The following CMIP variants were observed in gnomAD, a reference collection of about 807,000 sequenced individuals.
CMIP encodes the protein C-Maf-inducing protein.
CMIP carries 13 observed loss-of-function variants against 97.3 expected under a neutral mutation model. The observed-to-expected ratio is 0.13, with a 90% confidence interval of 0.09 to 0.21. CMIP has a LOEUF of 0.21. CMIP is among the 10% of genes least tolerant of loss of function. The pLI, the probability that CMIP is intolerant of heterozygous loss-of-function variation, is 1.00. For synonymous variants in CMIP, 538 were observed against 436.3 expected, an observed-to-expected ratio of 1.23 and a Z score of -2.91; for missense variants, 847 against 1,024.9, an observed-to-expected ratio of 0.83 and a Z score of 2.37.
At chr16:81,610,743 G>T (rs963418879) in intron 2 of CMIP, among the ~76,000 whole-genome samples, 1 of 152,156 alleles carries the variant, frequency 6.6e-6, no homozygotes, top group Non-Finnish European at 1.5e-5. Context: ...AGGGAGGCTG[G>T]GGCGGGGTGC....
Position 81,672,057 on chromosome 16 carries a change from G to C in CMIP, c.1021G>C (p.Glu341Gln). ...CLAAIYSCYE[E>Q]FINSRDNSPS... ...GGCTGCCATCTACTCCTGCTATGAAGAGTTCATCAACAGGTCAGTTGCTGA... is the reference window on the plus strand; with the variant it reads ...GGCTGCCATCTACTCCTGCTATGAACAGTTCATCAACAGGTCAGTTGCTGA... The change falls in exon 9 of 21, where the codon GAG becomes CAG. Residue 341 changes from glutamate (E) to glutamine (Q), a missense_variant. Around this residue, in one of 4 missense-constraint regions of CMIP, gnomAD observed 285 missense variants for 392.2 expected, o/e 0.73. Transcript: ENST00000537098. The C allele has an allele frequency of 6.3e-7, 1 of 1,597,964 alleles. No individual in the cohort carries two copies. The highest frequency in any genetic ancestry group is 8.5e-7 in the Non-Finnish European group (1 of 1,170,790).
At position 81,614,937 on chromosome 16, in the gene CMIP, TGTG is replaced by T. The variant is rs1310752032; in HGVS notation, c.427-5935_427-5933del. Among the ~76,000 whole-genome samples, 1 of 151,516 alleles carries T rather than the reference TGTG, an allele frequency of 6.6e-6. No homozygotes were observed. The highest frequency in any genetic ancestry group is 1.9e-4 in the East Asian group (1 of 5,170). On this transcript the variant is annotated intron_variant, in intron 2 of 20. Transcript: ENST00000537098. This position sits in a 1 kb window ranked among gnomAD's most constrained non-coding sequence, Gnocchi z 5.3. ...GGTGTGCATAGTGTGTATCTCTGTG[TGTG>T]GTGTGTGCATGTGTGTGGTGTGTTG...
chr16:81,510,303 G>A (rs543935476), intron 1 of CMIP, among the ~76,000 whole-genome samples: 1 of 152,260 alleles, frequency 6.6e-6, no homozygotes, highest in African/African-American at 2.4e-5. Context: ...TCGCCCAAGT[G>A]GGACCATGAT....
intron 1 of CMIP, among the ~76,000 whole-genome samples, chr16:81,570,101 C>G (rs1046686540): frequency 6.6e-6 from 1 of 152,154 alleles, no homozygotes; most frequent in African/African-American, 2.4e-5. Context: ...GGGGGATGGC[C>G]TCACCCCTTC....
At chr16:81,602,451 A>G (rs1400735067) in intron 1 of CMIP, among the ~76,000 whole-genome samples, 1 of 152,238 alleles carries the variant, frequency 6.6e-6, no homozygotes, top group Non-Finnish European at 1.5e-5. Context: ...TTGCGTTGTA[A>G]TTTACATACA....
intron 1 of CMIP, among the ~76,000 whole-genome samples, chr16:81,471,058 C>A (rs112119949): frequency 6.6e-6 from 1 of 151,958 alleles, no homozygotes; most frequent in Non-Finnish European, 1.5e-5. Flanking sequence ...AGGCACAATG[C>A]GTGCATACAA....
intron 1 of CMIP, among the ~76,000 whole-genome samples, chr16:81,528,004 T>G (rs1405527372): frequency 2.0e-5 from 3 of 152,328 alleles, no homozygotes; most frequent in Non-Finnish European, 4.4e-5. Flanking sequence ...AAAACCAACC[T>G]GTTTTCCAAA....
At position 81,471,772 on chromosome 16, in the gene CMIP, A is replaced by G. The variant is rs1406012675; in HGVS notation, c.300+26231A>G. On this transcript the variant is annotated intron_variant, in intron 1 of 20. Transcript: ENST00000537098. ...GTGACTTGAACACAAGCACCATGATACCATGGCAGTGGAATTGAGTACAGA... is the reference window on the plus strand; with the variant it reads ...GTGACTTGAACACAAGCACCATGATGCCATGGCAGTGGAATTGAGTACAGA... 2.6e-5 allele frequency among the ~76,000 whole-genome samples: 4 copies of G among 152,336 alleles called. No individual in the cohort carries two copies. In the East Asian group the frequency reaches 7.7e-4, roughly 29 times the overall value.
chr16:81,613,471 C>T (rs932068669), intron 2 of CMIP, among the ~76,000 whole-genome samples: 1 of 152,132 alleles, frequency 6.6e-6, no homozygotes, highest in African/African-American at 2.4e-5. Flanking sequence ...TAGGTTTTAC[C>T]ACATTCTAGC....
At chr16:81,702,346 A>C (rs1322510290) in intron 16 of CMIP, among the ~76,000 whole-genome samples, 2 of 152,084 alleles carry the variant, frequency 1.3e-5, no homozygotes, top group African/African-American at 2.4e-5. Context: ...GCCAGTACCC[A>C]CCCAGTGATA....
At chr16:81,629,535 G>C (rs574578060) in intron 3 of CMIP, among the ~76,000 whole-genome samples, 13 of 152,160 alleles carry the variant, frequency 8.5e-5, no homozygotes, top group Non-Finnish European at 1.9e-4. Context: ...GTCTAACCCC[G>C]TCTTGGCCAC....
At chr16:81,635,704 C>T (rs1320909285) in intron 3 of CMIP, among the ~76,000 whole-genome samples, 3 of 152,102 alleles carry the variant, frequency 2.0e-5, no homozygotes, top group Non-Finnish European at 4.4e-5. Flanking sequence ...AGACGTCAAG[C>T]GTCTGCAAAC....
intron 3 of CMIP, among the ~76,000 whole-genome samples, chr16:81,632,921 C>T (rs555951997): frequency 1.9e-4 from 29 of 152,002 alleles, no homozygotes; most frequent in Admixed American, 5.9e-4. Context: ...TCAGAAATGA[C>T]GCATTACAGT....
intron 2 of CMIP, among the ~76,000 whole-genome samples, chr16:81,615,239 GTGTC>G (rs1192745251): frequency 7.0e-6 from 1 of 142,254 alleles, no homozygotes; most frequent in Non-Finnish European, 1.5e-5. Flanking sequence ...TGGTGTATGT[GTGTC>G]TGTGTGTGTG....
intron 1 of CMIP, chr16:81,495,518 C>T (rs773817758): frequency 2.3e-5 from 37 of 1,611,618 alleles, no homozygotes; most frequent in Non-Finnish European, 2.6e-5. Flanking sequence ...TGGGGAACGA[C>T]TCTGTCCAGC....
At chr16:81,555,021 A>G (rs897566633) in intron 1 of CMIP, among the ~76,000 whole-genome samples, 1 of 152,072 alleles carries the variant, frequency 6.6e-6, no homozygotes. Context: ...CTACAGTGGG[A>G]GGGGCACCAG....
chr16:81,658,404 A>G (rs2092508850), intron 5 of CMIP, among the ~76,000 whole-genome samples: 1 of 152,242 alleles, frequency 6.6e-6, no homozygotes, highest in South Asian at 2.1e-4. Flanking sequence ...TTGAATTCAC[A>G]GATAACCTAG....
chr16:81,574,666 T>G (rs1185814094), intron 1 of CMIP, among the ~76,000 whole-genome samples: 6 of 152,232 alleles, frequency 3.9e-5, no homozygotes, highest in Non-Finnish European at 8.8e-5. Context: ...CTCAGTTTTT[T>G]CTTCCACTTC....
chr16:81,521,415 T>C (rs775334651), intron 1 of CMIP, among the ~76,000 whole-genome samples: 15 of 151,968 alleles, frequency 9.9e-5, no homozygotes, highest in Non-Finnish European at 1.9e-4. Context: ...GCCCCCGCTG[T>C]CGTTCTGCTC....
Sources: allele counts gnomAD v4.1 joint callset (sites outside exome capture counted in the v4.1 genomes callset), GRCh38; gene constraint gnomAD v4.1.1; regional missense constraint gnomAD v4.1.1; non-coding constraint Gnocchi (gnomAD v3.1); transcripts MANE v1.5; gene names NCBI Gene and HGNC (gene_info 2026-07-23, HGNC 2026-07-21).